GRID1: variants seen among roughly 807,000 people sequenced by gnomAD.
GRID1 encodes glutamate ionotropic receptor delta type subunit 1, also known as glutamate receptor ionotropic, delta-1.
GRID1 carries 28 observed loss-of-function variants against 98.0 expected under a neutral mutation model. The ratio of observed to expected loss-of-function variants is 0.29; its 90% CI spans 0.21 to 0.39. GRID1 has a LOEUF of 0.39. Ranked by LOEUF, GRID1 falls within the 10% of genes least tolerant of loss-of-function variation. The pLI, the probability that GRID1 is intolerant of heterozygous loss-of-function variation, is 1.00. For missense variants in GRID1, 1,111 were observed against 1,340.5 expected (o/e 0.83, Z 2.67); for synonymous variants, 553 against 538.5 (o/e 1.03, Z -0.37).
At chr10:85,884,067 C>T (rs912715488) in intron 5 of GRID1, among the ~76,000 whole-genome samples, 2 of 152,138 alleles carry the variant, frequency 1.3e-5, no homozygotes, top group African/African-American at 4.8e-5. Flanking sequence ...CAAATACATG[C>T]AAGGCAAAAA....
chr10:86,356,255 A>C (rs1281975589), intron 2 of GRID1, among the ~76,000 whole-genome samples: 1 of 152,224 alleles, frequency 6.6e-6, no homozygotes, highest in Admixed American at 6.5e-5. Flanking sequence ...TGGGAGCCAC[A>C]GATTCTGCCC....
chr10:85,681,493 G>A (rs1450928231), intron 12 of GRID1, among the ~76,000 whole-genome samples: 1 of 152,124 alleles, frequency 6.6e-6, no homozygotes, highest in African/African-American at 2.4e-5. Context: ...TTGTCTGACA[G>A]TCTCCACATC....
At chr10:86,045,400 G>A (rs1301544875) in intron 4 of GRID1, among the ~76,000 whole-genome samples, 3 of 152,194 alleles carry the variant, frequency 2.0e-5, no homozygotes, top group Admixed American at 2.0e-4. Flanking sequence ...CATACAATGT[G>A]TCGATCAACA....
chr10:86,166,552 T>C (rs945942561), intron 3 of GRID1, among the ~76,000 whole-genome samples: 14 of 152,220 alleles, frequency 9.2e-5, no homozygotes, highest in Admixed American at 9.2e-4. Flanking sequence ...ACTATCCCAT[T>C]ATGCAAATAA....
intron 2 of GRID1, among the ~76,000 whole-genome samples, chr10:86,306,966 G>A (rs1019261028): frequency 3.9e-5 from 6 of 152,070 alleles, no homozygotes; most frequent in African/African-American, 7.2e-5. Context: ...CAGTTGTGTC[G>A]CCCTCACCAC....
chr10:86,312,448 G>A (rs961879661), intron 2 of GRID1, among the ~76,000 whole-genome samples: 6 of 152,128 alleles, frequency 3.9e-5, no homozygotes, highest in South Asian at 2.1e-4. Context: ...CTTCCAATCC[G>A]CTCCTCCAAA....
chr10:85,634,295 A>T (rs199816763), intron 13 of GRID1, among the ~76,000 whole-genome samples: 2,525 of 86,988 alleles, frequency 0.029, 49 homozygotes, highest in African/African-American at 0.085. Context: ...TCTCTCTCAC[A>T]CACACACACA....
At chr10:85,769,892 G>C (rs1842239552) in intron 8 of GRID1, among the ~76,000 whole-genome samples, 1 of 152,222 alleles carries the variant, frequency 6.6e-6, no homozygotes. Context: ...CACCTCTGGG[G>C]GCAGGGCACA....
chr10:85,798,488 C>A (rs2132749766), intron 8 of GRID1, among the ~76,000 whole-genome samples: 1 of 152,250 alleles, frequency 6.6e-6, no homozygotes, highest in Non-Finnish European at 1.5e-5. Flanking sequence ...TTTCCACCAA[C>A]AGGGTAAAAT....
chr10:85,821,632 ATAAT>A (rs1412476396), intron 8 of GRID1, among the ~76,000 whole-genome samples: 2 of 152,070 alleles, frequency 1.3e-5, no homozygotes, highest in East Asian at 1.9e-4. Context: ...GGTGATCCAA[ATAAT>A]TGTTTATCTT....
At chr10:85,994,042 C>T (rs567415966) in intron 4 of GRID1, among the ~76,000 whole-genome samples, 13 of 152,278 alleles carry the variant, frequency 8.5e-5, no homozygotes, top group South Asian at 6.2e-4. Context: ...GGACTCCTGC[C>T]CTGCTGAGCC....
intron 8 of GRID1, among the ~76,000 whole-genome samples, chr10:85,767,421 A>C (rs1307743394): frequency 6.6e-6 from 1 of 152,218 alleles, no homozygotes; most frequent in Non-Finnish European, 1.5e-5. Flanking sequence ...TTCTTTACTG[A>C]ATCATATTCA....
At chr10:85,690,373 G>T (rs951444368) in intron 12 of GRID1, among the ~76,000 whole-genome samples, 3 of 152,082 alleles carry the variant, frequency 2.0e-5, no homozygotes, top group African/African-American at 7.2e-5. Flanking sequence ...AGCACTTTAT[G>T]ACATTCAACT....
At chr10:86,068,066 A>T (rs561564360) in intron 4 of GRID1, among the ~76,000 whole-genome samples, 1 of 152,266 alleles carries the variant, frequency 6.6e-6, no homozygotes, top group East Asian at 1.9e-4. Context: ...TCTGTGTTAG[A>T]CACTTTCCAT....
chr10:86,212,308 C>T (rs1052493844), intron 2 of GRID1, among the ~76,000 whole-genome samples: 2 of 152,236 alleles, frequency 1.3e-5, no homozygotes, highest in Non-Finnish European at 2.9e-5. Flanking sequence ...CATGCAGCCC[C>T]TGCAACTCTG....
intron 12 of GRID1, among the ~76,000 whole-genome samples, chr10:85,674,922 C>T (rs1241335836): frequency 1.3e-5 from 2 of 152,152 alleles, no homozygotes; most frequent in Non-Finnish European, 2.9e-5. Context: ...GAGTATCGTT[C>T]TGCTTAAACT....
At chr10:85,828,657 C>G (rs1842841312) in intron 8 of GRID1, among the ~76,000 whole-genome samples, 1 of 151,804 alleles carries the variant, frequency 6.6e-6, no homozygotes, top group African/African-American at 2.4e-5. Flanking sequence ...TGACAACAAC[C>G]CTTAGAGACT....
At chr10:86,140,559 C>G (rs1011236752) in intron 3 of GRID1, among the ~76,000 whole-genome samples, 1 of 152,168 alleles carries the variant, frequency 6.6e-6, no homozygotes, top group Non-Finnish European at 1.5e-5. Context: ...TCATGGGGAA[C>G]CAAGCAGCGC....
chr10:85,653,337 T>C (rs750837916), intron 12 of GRID1, among the ~76,000 whole-genome samples: 3 of 152,222 alleles, frequency 2.0e-5, no homozygotes, highest in Non-Finnish European at 4.4e-5. Flanking sequence ...TTTTGAGCCA[T>C]TGGAGTTGAC....
Sources: allele counts gnomAD v4.1 joint callset (sites outside exome capture counted in the v4.1 genomes callset), GRCh38; gene constraint gnomAD v4.1.1; transcripts MANE v1.5; gene names NCBI Gene and HGNC (gene_info 2026-07-23, HGNC 2026-07-21).